Variants in ZNF804B observed in about 807,000 individuals in gnomAD.
ZNF804B encodes the protein zinc finger protein 804B.
A neutral mutation model predicts 101.4 loss-of-function variants in ZNF804B; 80 were observed. That is an observed-to-expected ratio of 0.79 (90% CI 0.66 to 0.95). The LOEUF (loss-of-function observed/expected upper bound fraction) is 0.95, where lower values mean the gene tolerates loss of function less well. Ranked by LOEUF, ZNF804B falls within the 40% of genes least tolerant of loss-of-function variation. The pLI is 0.00. For missense variants in ZNF804B, 1,673 were observed against 1,561.9 expected, an observed-to-expected ratio of 1.07 and a Z score of -1.20; for synonymous variants, 622 against 558.8, an observed-to-expected ratio of 1.11 and a Z score of -1.59.
At chr7:89,331,046 A>G (rs1375093793) in intron 3 of ZNF804B, among the ~76,000 whole-genome samples, 1 of 151,478 alleles carries the variant, frequency 6.6e-6, no homozygotes, top group Non-Finnish European at 1.5e-5. Flanking sequence ...AAATAACTGC[A>G]TAATAATGGA....
chr7:88,855,542 C>T (rs1791541025), intron 1 of ZNF804B, among the ~76,000 whole-genome samples: 1 of 152,042 alleles, frequency 6.6e-6, no homozygotes, highest in African/African-American at 2.4e-5. Flanking sequence ...AATTTTCTCC[C>T]ATTCTGTAGG....
rs777830901 is a variant in ZNF804B at position 88,759,996 on chromosome 7, T to A, written c.20T>A (p.Ile7Asn). 1 of 1,614,142 alleles carries A rather than the reference T, an allele frequency of 6.2e-7. No individual in the cohort carries two copies. The highest frequency in any genetic ancestry group is 1.1e-5 in the South Asian group (1 of 91,072). MACYLV[I>N]SSRHLSNGHY... ...ACCCACATGGCTTGTTACCTGGTCA[T>A]CAGTTCGAGACATCTCAGCAATGGG... is the stretch of plus-strand genomic sequence containing the variant. Residue 7 changes from isoleucine to asparagine, a missense_variant, in exon 1 of 4, where the codon ATC (isoleucine) becomes AAC (asparagine). Ile to Asn is a moderately radical substitution (Grantham distance 149). Coordinates refer to ENST00000333190, the MANE Select transcript of ZNF804B (RefSeq NM_181646.5).
At chr7:89,126,388 A>G (rs988587816) in intron 1 of ZNF804B, among the ~76,000 whole-genome samples, 9 of 151,984 alleles carry the variant, frequency 5.9e-5, no homozygotes, top group African/African-American at 2.2e-4. Flanking sequence ...ACTACTGGGA[A>G]GTGAAGCTAA....
At chr7:89,044,874 A>T (rs1382028700) in intron 1 of ZNF804B, among the ~76,000 whole-genome samples, 1 of 152,256 alleles carries the variant, frequency 6.6e-6, no homozygotes, top group African/African-American at 2.4e-5. Context: ...AAATTCAAGC[A>T]GGCTGCAGAA....
chr7:89,062,804 C>T (rs1477366827), intron 1 of ZNF804B, among the ~76,000 whole-genome samples: 3 of 152,072 alleles, frequency 2.0e-5, no homozygotes, highest in Non-Finnish European at 4.4e-5. Flanking sequence ...GTAATTCCTA[C>T]ATACTTATTT....
At chr7:89,069,931 A>G (rs1448795608) in intron 1 of ZNF804B, among the ~76,000 whole-genome samples, 2 of 152,218 alleles carry the variant, frequency 1.3e-5, no homozygotes, top group Non-Finnish European at 2.9e-5. Context: ...CATGAAAGCA[A>G]GATGCCTGCT....
chr7:88,887,911 G>A lies in ZNF804B; in HGVS notation c.108+127827G>A, dbSNP rs575684948. On this transcript the variant is annotated intron_variant, in intron 1 of 3. Coordinates refer to ENST00000333190, the MANE Select transcript of ZNF804B (RefSeq NM_181646.5). Reference sequence around the variant, plus strand: ...ATATGTATATTCTTTAAAAAACACAGGAATGTATATATATATCTGAGAATT... The same window carrying A: ...ATATGTATATTCTTTAAAAAACACAAGAATGTATATATATATCTGAGAATT... Among the ~76,000 whole-genome samples the A allele has an allele frequency of 3.9e-5, 6 of 152,062 alleles. No individual in the cohort carries two copies. In the East Asian group the frequency reaches 1.2e-3, roughly 29 times the overall value.
chr7:89,331,070 G>A (rs1790969702), intron 3 of ZNF804B, among the ~76,000 whole-genome samples: 1 of 151,444 alleles, frequency 6.6e-6, no homozygotes, highest in South Asian at 2.1e-4. Context: ...GGGAAAGGAA[G>A]AACAATAGTA....
intron 1 of ZNF804B, among the ~76,000 whole-genome samples, chr7:88,828,635 T>C (rs1251056003): frequency 2.0e-5 from 3 of 152,156 alleles, no homozygotes; most frequent in African/African-American, 7.2e-5. Context: ...AATTGGTAGC[T>C]TGAAACCTAT....
chr7:88,916,625 GAA>G (rs1483710449), intron 1 of ZNF804B, among the ~76,000 whole-genome samples: 1 of 152,090 alleles, frequency 6.6e-6, no homozygotes, highest in African/African-American at 2.4e-5. Flanking sequence ...AAATGTAGAA[GAA>G]TGCTTATTTA....
intron 1 of ZNF804B, among the ~76,000 whole-genome samples, chr7:88,996,302 C>G (rs1788195239): frequency 6.6e-6 from 1 of 152,030 alleles, no homozygotes; most frequent in South Asian, 2.1e-4. Flanking sequence ...ATATTTCTGC[C>G]TAAAATAACT....
At chr7:89,207,558 A>G (rs1788733004) in intron 1 of ZNF804B, among the ~76,000 whole-genome samples, 1 of 152,184 alleles carries the variant, frequency 6.6e-6, no homozygotes, top group Admixed American at 6.5e-5. Context: ...GGGGACATAG[A>G]GCCAAACAAT....
chr7:89,337,148 G>A lies in ZNF804B; in HGVS notation c.*116G>A. ...TAAAATATTGCTGCCAATTCAAAATGTGACAAATATATAAATATGATCTGA... is the reference window on the plus strand; with the variant it reads ...TAAAATATTGCTGCCAATTCAAAATATGACAAATATATAAATATGATCTGA... On this transcript the variant is annotated 3_prime_UTR_variant, in exon 4 of 4. Transcript: ENST00000333190. 9.4e-7 allele frequency: 1 copy of A among 1,059,046 alleles called. No homozygotes were observed. The highest frequency in any genetic ancestry group is 1.3e-6 in the Non-Finnish European group (1 of 753,050). 65.6% of individuals were successfully genotyped at this position (1,059,046 alleles called of 1,614,324 possible). A position where few individuals can be genotyped will look rare whatever the true frequency, so the allele number is the denominator to read the frequency against.
intron 2 of ZNF804B, among the ~76,000 whole-genome samples, chr7:89,243,528 T>C (rs1789399830): frequency 6.6e-6 from 1 of 151,860 alleles, no homozygotes; most frequent in Admixed American, 6.6e-5. Flanking sequence ...AAATAATCAT[T>C]ATTCATCTGA....
chr7:88,789,901 C>CT (rs551962041), intron 1 of ZNF804B, among the ~76,000 whole-genome samples: 194 of 152,108 alleles, frequency 1.3e-3, no homozygotes, highest in African/African-American at 4.3e-3. Context: ...ATCCAGATGC[C>CT]TTTTTTATTA....
At chr7:89,018,595 T>C (rs538435364) in intron 1 of ZNF804B, among the ~76,000 whole-genome samples, 1 of 152,054 alleles carries the variant, frequency 6.6e-6, no homozygotes, top group Non-Finnish European at 1.5e-5. Context: ...AGAAGAATTG[T>C]TATTAGTTTT....
intron 1 of ZNF804B, among the ~76,000 whole-genome samples, chr7:88,817,729 A>G (rs1790907155): frequency 6.6e-6 from 1 of 152,202 alleles, no homozygotes; most frequent in Admixed American, 6.5e-5. Context: ...TTGTATCAAC[A>G]TCCATAATTG....
At chr7:89,317,277 G>T (rs192499634) in intron 2 of ZNF804B, among the ~76,000 whole-genome samples, 2 of 152,318 alleles carry the variant, frequency 1.3e-5, no homozygotes, top group East Asian at 3.9e-4. Flanking sequence ...GTTGAACCAT[G>T]AGGCAGAAGT....
chr7:88,764,431 T>C (rs1789949403), intron 1 of ZNF804B, among the ~76,000 whole-genome samples: 1 of 152,138 alleles, frequency 6.6e-6, no homozygotes, highest in Non-Finnish European at 1.5e-5. Context: ...AAAATCAGGG[T>C]CGCTGAATGT....
Sources: allele counts gnomAD v4.1 joint callset (sites outside exome capture counted in the v4.1 genomes callset), GRCh38; gene constraint gnomAD v4.1.1; transcripts MANE v1.5; gene names NCBI Gene and HGNC (gene_info 2026-07-23, HGNC 2026-07-21).